The following KMT2C variants were observed in gnomAD, a reference collection of about 807,000 sequenced individuals.
KMT2C encodes histone-lysine N-methyltransferase 2C.
A neutral mutation model predicts 507.9 loss-of-function variants in KMT2C; 88 were observed. The observed-to-expected ratio is 0.17, with a 90% CI of 0.15 to 0.21. The LOEUF (loss-of-function observed/expected upper bound fraction) is 0.21. KMT2C is among the 10% of genes least tolerant of loss of function. KMT2C has a pLI of 1.00. For synonymous variants in KMT2C, 2,049 were observed against 2,080.8 expected, an observed-to-expected ratio of 0.98 and a Z score of 0.42; for missense variants, 4,954 against 5,957.8, an observed-to-expected ratio of 0.83 and a Z score of 5.55.
intron 5 of KMT2C, among the ~76,000 whole-genome samples, chr7:152,311,202 T>C (rs1263666629): frequency 4.6e-5 from 7 of 152,268 alleles, no homozygotes; most frequent in Admixed American, 2.0e-4. Flanking sequence ...AGGAAATGTA[T>C]AGAAAATAAA....
intron 55 of KMT2C, among the ~76,000 whole-genome samples, chr7:152,140,573 C>T (rs187548306): frequency 8.9e-4 from 136 of 152,284 alleles, no homozygotes; most frequent in African/African-American, 3.2e-3. Context: ...GCACTTAATT[C>T]TGACTAGAAG....
At chr7:152,294,795 T>A (rs1014542580) in intron 6 of KMT2C, among the ~76,000 whole-genome samples, 2 of 152,234 alleles carry the variant, frequency 1.3e-5, no homozygotes, top group Non-Finnish European at 2.9e-5. Context: ...TAATCCAAAC[T>A]ACTATAATTT....
At chr7:152,394,431 T>C (rs2097524534) in intron 1 of KMT2C, among the ~76,000 whole-genome samples, 1 of 152,300 alleles carries the variant, frequency 6.6e-6, no homozygotes, top group Non-Finnish European at 1.5e-5. Flanking sequence ...GCTAAGCACA[T>C]TCCTGCCTCT....
chr7:152,349,736 G>C (rs1326029976), intron 2 of KMT2C, among the ~76,000 whole-genome samples: 1 of 151,996 alleles, frequency 6.6e-6, no homozygotes. Context: ...TTATACCTTT[G>C]TCCAAACCCA....
At chr7:152,396,121 C>CCAAAACCCAAAG in intron 1 of KMT2C, among the ~76,000 whole-genome samples, 1 of 152,262 alleles carries the variant, frequency 6.6e-6, no homozygotes, top group East Asian at 1.9e-4. Context: ...GTTCTGAAAA[C>CCAAAACCCAAAG]CAAAACCCAA....
In KMT2C at chr7:152,177,540, G is replaced by C. The variant is rs746505360; in HGVS notation, c.7913C>G (p.Ser2638Cys). 7 of 1,614,224 alleles carry C rather than the reference G, an allele frequency of 4.3e-6. No homozygotes were observed. The Admixed American group carries it at 1.2e-4, about 27-fold the overall frequency. The part of the protein sequence containing the change: ...VPPSQQEQGH[S>C]VHSSSMVMRT... ...CATGACCATAGAAGATGAATGGACA[G>C]AATGACCTTGCTCTTGTTGAGATGG... is the stretch of plus-strand genomic sequence containing the variant. Residue 2638 changes from serine (S) to cysteine (C), a missense_variant, in exon 38 of 59, where the codon TCT (serine) becomes TGT (cysteine). Physicochemically the swap from Ser to Cys is moderately radical, Grantham distance 112. This residue lies in a region of KMT2C where 1,689 missense variants were observed against 1,654.3 expected (regional missense o/e 1.02). Coordinates refer to ENST00000262189, the MANE Select transcript of KMT2C (RefSeq NM_170606.3).
At chr7:152,350,899 A>C (rs2129226073) in intron 2 of KMT2C, among the ~76,000 whole-genome samples, 1 of 152,328 alleles carries the variant, frequency 6.6e-6, no homozygotes, top group African/African-American at 2.4e-5. Context: ...CAGCTATACA[A>C]AAAAAATCTT....
intron 53 of KMT2C, 138 bp from the exon 54 acceptor site, chr7:152,145,433 T>C (rs1206190150): frequency 4.8e-6 from 4 of 829,008 alleles, no homozygotes; most frequent in Non-Finnish European, 7.5e-6. Context: ...TTCTAGCTTA[T>C]GTTAACACTA....
chr7:152,181,445 G>C lies in KMT2C; in HGVS notation c.6415C>G (p.Arg2139Gly), dbSNP rs1396109953. Residue 2139 changes from arginine to glycine, a missense_variant, in exon 36 of 59, where the codon CGA becomes GGA. By Grantham distance (125) the Arg-to-Gly change is moderately radical. Coordinates refer to ENST00000262189, the MANE Select transcript of KMT2C (RefSeq NM_170606.3). ...TGGGAATAAGAATCTACAACAGGTC[G>C]TGGAGTTCCTGGGGGTTGGGAGTAT... ...DPYSQPPGTP[R>G]PVVDSYSQSS... 2 of 1,614,052 alleles carry C rather than the reference G, an allele frequency of 1.2e-6. No individual in the cohort carries two copies. The highest frequency in any genetic ancestry group is 4.5e-5 in the East Asian group (2 of 44,872).
intron 26 of KMT2C, among the ~76,000 whole-genome samples, chr7:152,200,143 T>C (rs1218711098): frequency 1.3e-5 from 2 of 152,228 alleles, no homozygotes; most frequent in Non-Finnish European, 2.9e-5. Context: ...GTCTATATCC[T>C]ATGATGTAGT....
At chr7:152,272,380 G>A (rs2095993177) in intron 7 of KMT2C, among the ~76,000 whole-genome samples, 1 of 152,142 alleles carries the variant, frequency 6.6e-6, no homozygotes, top group Non-Finnish European at 1.5e-5. Context: ...GTTGTTTGCT[G>A]AGGTCTAAAG....
intron 16 of KMT2C, among the ~76,000 whole-genome samples, chr7:152,232,322 T>A (rs200592251): frequency 7.6e-6 from 1 of 131,734 alleles, no homozygotes; most frequent in Non-Finnish European, 1.7e-5. Context: ...CATTAGAAAA[T>A]TACGCAACAT....
chr7:152,422,009 T>C (rs1203399000), intron 1 of KMT2C, among the ~76,000 whole-genome samples: 1 of 152,108 alleles, frequency 6.6e-6, no homozygotes, highest in Non-Finnish European at 1.5e-5. Flanking sequence ...TAACCAAATG[T>C]TTTCAATGAA....
chr7:152,414,390 T>C (rs2097713038), intron 1 of KMT2C, among the ~76,000 whole-genome samples: 1 of 151,844 alleles, frequency 6.6e-6, no homozygotes, highest in Non-Finnish European at 1.5e-5. Flanking sequence ...TAGCCGGGCA[T>C]GGTGGCGCAT....
At chr7:152,239,894 AT>A (rs1164420212) in intron 14 of KMT2C, among the ~76,000 whole-genome samples, 1 of 152,244 alleles carries the variant, frequency 6.6e-6, no homozygotes, top group African/African-American at 2.4e-5. Flanking sequence ...TCACATAAAA[AT>A]ACCACCAGGA....
intron 1 of KMT2C, among the ~76,000 whole-genome samples, chr7:152,386,893 T>C (rs1463488416): frequency 6.6e-6 from 1 of 152,172 alleles, no homozygotes; most frequent in Non-Finnish European, 1.5e-5. Flanking sequence ...CTCGGGATCT[T>C]AAGTGACTTC....
intron 1 of KMT2C, among the ~76,000 whole-genome samples, chr7:152,410,069 T>C (rs1289128557): frequency 2.0e-5 from 3 of 152,378 alleles, no homozygotes; most frequent in African/African-American, 7.2e-5. Flanking sequence ...ATAAAACTTT[T>C]ATGATTATTT....
chr7:152,280,607 A>C (rs2096190753), intron 6 of KMT2C, among the ~76,000 whole-genome samples: 1 of 152,052 alleles, frequency 6.6e-6, no homozygotes, highest in African/African-American at 2.4e-5. Flanking sequence ...CCCACACCTG[A>C]ATGCACCTAG....
intron 23 of KMT2C, among the ~76,000 whole-genome samples, chr7:152,212,768 T>C (rs1247297353): frequency 6.6e-6 from 1 of 152,236 alleles, no homozygotes; most frequent in Non-Finnish European, 1.5e-5. Flanking sequence ...CAGCCGGGCA[T>C]GGTGGCTCAC....
Sources: gnomAD v4.1 joint callset for allele counts (sites outside exome capture counted in the v4.1 genomes callset) on GRCh38, gnomAD v4.1.1 for gene constraint, gnomAD v4.1.1 regional missense constraint, MANE v1.5 for transcripts, NCBI Gene and HGNC (gene_info 2026-07-23, HGNC 2026-07-21) for gene names.